TTC16: variants seen among roughly 807,000 people sequenced by gnomAD.
TTC16 encodes the protein tetratricopeptide repeat domain 16.
TTC16 carries 66 observed loss-of-function variants against 80.4 expected under a neutral mutation model. The observed-to-expected ratio is 0.82, with a 90% confidence interval of 0.67 to 1.01. The LOEUF (loss-of-function observed/expected upper bound fraction) is 1.01. TTC16 is among the 50% of genes least tolerant of loss of function. TTC16 has a pLI of 0.00. For synonymous variants in TTC16, 438 were observed against 451.3 expected, an observed-to-expected ratio of 0.97 and a Z score of 0.37; for missense variants, 1,070 against 1,103.2, an observed-to-expected ratio of 0.97 and a Z score of 0.43.
Position 127,724,351 on chromosome 9 carries a change from C to A in TTC16, c.1104C>A (p.Tyr368Ter). The change falls in exon 8 of 14, where the codon TAC becomes TAA. Residue 368 changes from tyrosine (Y) to a stop codon, truncating the protein, a stop_gained. Coordinates refer to ENST00000373289, the MANE Select transcript of TTC16 (RefSeq NM_144965.3). LOFTEE classifies it high-confidence loss of function. Reference protein sequence around the residue: ...LRDEQQEKGLYINRGDCFFQL... With the variant: ...LRDEQQEKGL ...ACGAGCAGCAGGAGAAAGGACTCTA[C>A]ATCAACCGAGGCGGTGCGCAGCGAC... 1 of 1,611,232 alleles carries A rather than the reference C, an allele frequency of 6.2e-7. No homozygotes were observed.
chr9:127,727,411 G>A lies in TTC16; in HGVS notation c.1710G>A (p.Glu570=). Residue 570 remains glutamate (E), a synonymous_variant, in exon 12 of 14, where the codon GAG becomes GAA. Transcript: ENST00000373289. The part of the protein sequence containing the change: ...EIPQVKPGSS[E]GEAEAPEEEE... The stretch of plus-strand genomic sequence containing the variant: ...CGCAGGTAAAACCGGGAAGCTCAGA[G>A]GGAGAGGCTGAGGCCCCTGAGGAGG... 1 of 1,610,102 alleles carries A rather than the reference G, an allele frequency of 6.2e-7. No individual in the cohort carries two copies.
intron 6 of TTC16, among the ~76,000 whole-genome samples, chr9:127,721,847 C>T (rs545918535): frequency 1.4e-4 from 22 of 151,948 alleles, no homozygotes; most frequent in African/African-American, 4.1e-4. Context: ...GGATTACAGG[C>T]GCCTGCCCAG....
At position 127,716,879 on chromosome 9, in the gene TTC16, C is replaced by A; in HGVS notation, c.54C>A (p.Asp18Glu). 6.2e-7 allele frequency: 1 copy of A among 1,613,826 alleles called. No homozygotes were observed. Among genetic ancestry groups the A allele is most frequent in the Non-Finnish European group, 8.5e-7 (1 of 1,179,816 alleles). The change falls in exon 2 of 14, where the codon GAC becomes GAA. Residue 18 changes from aspartate to glutamate, a missense_variant. Physicochemically the swap from Asp to Glu is conservative, Grantham distance 45. Transcript: ENST00000373289. Reference protein sequence around the residue: ...ALKVDQGPSRDIPKPWVIPAP... With the variant: ...ALKVDQGPSREIPKPWVIPAP... ...AGGTTGACCAGGGCCCCTCACGGGA[C>A]ATCCCAAAGCCATGGGTGATTCCAG...
chr9:127,718,459 C>T lies in TTC16; in HGVS notation c.426+687C>T, dbSNP rs566974354. On this transcript the variant is annotated intron_variant, in intron 4 of 13. Coordinates refer to ENST00000373289, the MANE Select transcript of TTC16 (RefSeq NM_144965.3). This position sits in a 1 kb window ranked among gnomAD's most constrained non-coding sequence, Gnocchi z 4.6. Reference sequence around the variant, plus strand: ...CTAGTGGCTATTGTCTTGGACAGAACGGCACAGATCTAGAGTCCAGAGGCT... The same window carrying T: ...CTAGTGGCTATTGTCTTGGACAGAATGGCACAGATCTAGAGTCCAGAGGCT... Among the ~76,000 whole-genome samples, 24 of 152,250 alleles carry T rather than the reference C, an allele frequency of 1.6e-4. No homozygotes were observed. In the South Asian group the frequency reaches 2.3e-3, roughly 14 times the overall value.
intron 6 of TTC16, among the ~76,000 whole-genome samples, chr9:127,720,716 G>T (rs1311559652): frequency 6.6e-6 from 1 of 151,190 alleles, no homozygotes; most frequent in Non-Finnish European, 1.5e-5. Flanking sequence ...GGGCAGATGA[G>T]CACACTAGGA....
At position 127,724,195 on chromosome 9, in the gene TTC16, C is replaced by G; in HGVS notation, c.948C>G (p.Thr316=). The change falls in exon 8 of 14, where the codon ACC becomes ACG. Residue 316 remains threonine, a synonymous_variant. Coordinates refer to ENST00000373289, the MANE Select transcript of TTC16 (RefSeq NM_144965.3). The part of the protein sequence containing the change: ...EDFLKVLDMV[T]EDQEDMVRQA... ...TCCTGAAGGTGCTGGACATGGTGAC[C>G]GAGGACCAGGAGGACATGGTGCGGC... is the stretch of plus-strand genomic sequence containing the variant. 6.2e-7 allele frequency: 1 copy of G among 1,613,298 alleles called. No homozygotes were observed. Among genetic ancestry groups the G allele is most frequent in the South Asian group, 1.1e-5 (1 of 91,084 alleles).
intron 2 of TTC16, 86 bp from the exon 3 acceptor site, chr9:127,717,248 C>A: frequency 7.1e-7 from 1 of 1,406,984 alleles, no homozygotes; most frequent in Non-Finnish European, 9.9e-7. Flanking sequence ...AGCTCCCTTG[C>A]TTCCCACAAC....
At chr9:127,725,144 T>C (rs1196510566) in intron 9 of TTC16, among the ~76,000 whole-genome samples, 3 of 152,094 alleles carry the variant, frequency 2.0e-5, no homozygotes, top group Non-Finnish European at 4.4e-5. Context: ...CGTGGTGGTG[T>C]GTGCCTGTAA....
rs879860761 is a variant in TTC16, at chr9:127,718,057, A to G, written c.426+285A>G. Among the ~76,000 whole-genome samples, 1 of 152,184 alleles carries G rather than the reference A, an allele frequency of 6.6e-6. No homozygotes were observed. The highest frequency in any genetic ancestry group is 2.4e-5 in the African/African-American group (1 of 41,438). ...GAAATGTGGCAAGTGTGACTAAAGAACTGAATTTTATATCTTATTTTTATT... is the reference window on the plus strand; with the variant it reads ...GAAATGTGGCAAGTGTGACTAAAGAGCTGAATTTTATATCTTATTTTTATT... On this transcript the variant is annotated intron_variant, in intron 4 of 13. Transcript: ENST00000373289. This position sits in a 1 kb window ranked among gnomAD's most constrained non-coding sequence, Gnocchi z 4.6.
intron 1 of TTC16, 50 bp downstream of exon 1, chr9:127,716,213 G>T: frequency 6.2e-7 from 1 of 1,613,510 alleles, no homozygotes; most frequent in Non-Finnish European, 8.5e-7. Flanking sequence ...CAGGCAGAGA[G>T]ACCGAGGCTG....
chr9:127,724,746 C>G lies in TTC16; in HGVS notation c.1118-10C>G. On this transcript the variant is annotated splice_polypyrimidine_tract_variant and intron_variant, in intron 8 of 13. Transcript: ENST00000373289. ...TTGGGGGTCCACTCACCCCCGCCTC[C>G]GGACCCTAGATTGCTTCTTCCAGCT... 2.5e-6 allele frequency: 4 copies of G among 1,606,908 alleles called. No individual in the cohort carries two copies. Among genetic ancestry groups the G allele is most frequent in the African/African-American group, 2.7e-5 (2 of 75,032 alleles).
chr9:127,723,503 T>C (rs369220840), intron 7 of TTC16, among the ~76,000 whole-genome samples, 170 bp downstream of exon 7: 6 of 152,346 alleles, frequency 3.9e-5, no homozygotes, highest in African/African-American at 4.8e-5. Flanking sequence ...GTGGTCTCTG[T>C]TACTGCTGGA....
At position 127,720,375 on chromosome 9, in the gene TTC16, C is replaced by T. The variant is rs1400121707; in HGVS notation, c.637C>T (p.Leu213Phe). ...CGATGTCTACATCTTCCGGGCCAGA[C>T]TCTACAACTTTCTCCAGAAGGTACA... ...NADVYIFRAR[L>F]YNFLQKPHLC... Residue 213 changes from leucine to phenylalanine, a missense_variant, in exon 6 of 14, where the codon CTC becomes TTC. Physicochemically the swap from Leu to Phe is conservative, Grantham distance 22. Transcript: ENST00000373289. 6 of 1,611,524 alleles carry T rather than the reference C, an allele frequency of 3.7e-6. No homozygotes were observed. Among genetic ancestry groups the T allele is most frequent in the Non-Finnish European group, 5.1e-6 (6 of 1,178,592 alleles).
In TTC16 at chr9:127,731,300, G is replaced by A. The variant is rs1462820244; in HGVS notation, c.2517G>A (p.Gln839=). The change falls in exon 14 of 14, where the codon CAG becomes CAA. Residue 839 remains glutamine, a synonymous_variant. Coordinates refer to ENST00000373289, the MANE Select transcript of TTC16 (RefSeq NM_144965.3). ...CTGAGGGTGCCCAGGGCAAGAGCCAGGGCATGAGCTCAACTTCCAGCAAGG... is the reference window on the plus strand; with the variant it reads ...CTGAGGGTGCCCAGGGCAAGAGCCAAGGCATGAGCTCAACTTCCAGCAAGG... ...SKAEGAQGKS[Q]GMSSTSSKAE... 2.5e-6 allele frequency: 4 copies of A among 1,613,220 alleles called. No homozygotes were observed. The South Asian group carries it at 4.4e-5, about 18-fold the overall frequency.
At chr9:127,719,958 TA>T in intron 4 of TTC16, 119 bp from the exon 5 acceptor site, 1 of 805,726 alleles carries the variant, frequency 1.2e-6, no homozygotes, top group Non-Finnish European at 2.1e-6. Context: ...CTGCCAGATC[TA>T]AAAGGCTCTG....
In TTC16 at chr9:127,722,738, C is replaced by T. The variant is rs1199095004; in HGVS notation, c.658-381C>T. On this transcript the variant is annotated intron_variant, in intron 6 of 13. Coordinates refer to ENST00000373289, the MANE Select transcript of TTC16 (RefSeq NM_144965.3). The surrounding 1 kb of genome is among the most constrained non-coding windows in gnomAD (Gnocchi z 4.2). The stretch of plus-strand genomic sequence containing the variant: ...CGGGAGGCCAAGGTGGGCGGATCAC[C>T]TAAGGTCAGGAGTTTGAGACCAGCC... Among the ~76,000 whole-genome samples the T allele has an allele frequency of 2.0e-5, 3 of 152,024 alleles. No homozygotes were observed. Among genetic ancestry groups the T allele is most frequent in the South Asian group, 4.2e-4 (2 of 4,818 alleles).
rs200131735 is a variant in TTC16 at position 127,720,068 on chromosome 9, G to A, written c.427-10G>A. Reference sequence around the variant, plus strand: ...TGGCAAGCAGAATTGACTGTCCCCTGTGTCCCCAGGGACAATGCCTTTTTG... The same window carrying A: ...TGGCAAGCAGAATTGACTGTCCCCTATGTCCCCAGGGACAATGCCTTTTTG... On this transcript the variant is annotated splice_polypyrimidine_tract_variant and intron_variant, in intron 4 of 13. Coordinates refer to ENST00000373289, the MANE Select transcript of TTC16 (RefSeq NM_144965.3). The A allele has an allele frequency of 2.7e-4, 436 of 1,612,206 alleles. No individual in the cohort carries two copies. Among genetic ancestry groups the A allele is most frequent in the Non-Finnish European group, 3.5e-4 (418 of 1,178,664 alleles).
At chr9:127,723,073 G>A (rs1435868866) in intron 6 of TTC16, 46 bp from the exon 7 acceptor site, 1 of 1,591,592 alleles carries the variant, frequency 6.3e-7, no homozygotes, top group Non-Finnish European at 8.5e-7. Context: ...TAGGTCCCGT[G>A]GCTCAGTTGG....
chr9:127,716,764 C>A, intron 1 of TTC16, 80 bp from the exon 2 acceptor site: 1 of 1,511,176 alleles, frequency 6.6e-7, no homozygotes, highest in Non-Finnish European at 8.9e-7. Flanking sequence ...CTCCTCCCTC[C>A]CTGCAGAATG....
Sources: allele counts gnomAD v4.1 joint callset (sites outside exome capture counted in the v4.1 genomes callset), GRCh38; gene constraint gnomAD v4.1.1; non-coding constraint Gnocchi (gnomAD v3.1); transcripts MANE v1.5; gene names NCBI Gene and HGNC (gene_info 2026-07-23, HGNC 2026-07-21).